The following IP6K1 variants were observed in gnomAD, a reference collection of about 807,000 sequenced individuals.
The protein encoded by IP6K1 is ATP:1D-myo-inositol-hexakisphosphate phosphotransferase.
In IP6K1, 13 loss-of-function variants were observed where a neutral mutation model predicts 38.3. The observed-to-expected ratio is 0.34, with a 90% CI of 0.22 to 0.54. IP6K1 has a LOEUF of 0.54. IP6K1 is among the 20% of genes least tolerant of loss of function. The pLI is 0.92. For synonymous variants in IP6K1, 212 were observed against 229.9 expected (o/e 0.92, Z 0.70); for missense variants, 397 against 599.8 (o/e 0.66, Z 3.53).
At chr3:49,759,577 C>G (rs900387945) in intron 1 of IP6K1, among the ~76,000 whole-genome samples, 3 of 152,100 alleles carry the variant, frequency 2.0e-5, no homozygotes, top group Non-Finnish European at 2.9e-5. Context: ...TACAGAAACT[C>G]CCTCTTTCAG....
intron 1 of IP6K1, among the ~76,000 whole-genome samples, chr3:49,750,762 T>C (rs2080767565): frequency 6.6e-6 from 1 of 152,148 alleles, no homozygotes; most frequent in Admixed American, 6.5e-5. Context: ...TGGCAACTTC[T>C]GCAGCTTCCA....
chr3:49,773,063 G>A (rs988140424), intron 1 of IP6K1, among the ~76,000 whole-genome samples: 9 of 151,968 alleles, frequency 5.9e-5, no homozygotes, highest in African/African-American at 9.7e-5. Flanking sequence ...AAGCTTAACT[G>A]ATCCTCCTGC....
chr3:49,772,298 TTTAAC>T (rs1025700621), intron 1 of IP6K1, among the ~76,000 whole-genome samples: 3 of 147,782 alleles, frequency 2.0e-5, no homozygotes, highest in East Asian at 1.9e-4. Flanking sequence ...AGTCTTCCTT[TTTAAC>T]TTAATATATT....
intron 1 of IP6K1, among the ~76,000 whole-genome samples, chr3:49,757,060 G>C (rs1360981011): frequency 6.6e-6 from 1 of 152,088 alleles, no homozygotes; most frequent in Non-Finnish European, 1.5e-5. Context: ...GGTTCTAAAA[G>C]GAACACAAAA....
intron 1 of IP6K1, among the ~76,000 whole-genome samples, chr3:49,752,591 C>T (rs967798195): frequency 6.7e-6 from 1 of 149,900 alleles, no homozygotes; most frequent in Admixed American, 6.6e-5. Flanking sequence ...GGTGCAATCT[C>T]GGCTCACCTC....
chr3:49,725,428 A>C lies in IP6K1; in HGVS notation c.*1694T>G, dbSNP rs1263569457. The C allele has an allele frequency of 1.3e-5, 2 of 152,314 alleles. No individual in the cohort carries two copies. The highest frequency in any genetic ancestry group is 4.8e-5 in the African/African-American group (2 of 41,468). 9.4% of individuals were successfully genotyped at this position (152,314 alleles called of 1,614,324 possible). A position where few individuals can be genotyped will look rare whatever the true frequency, so the allele number is the denominator to read the frequency against. ...AGGCAAGCTGTCCCTCCCAGCCCCA[A>C]AGAATGGGAACCTGCCCACCAGTGG... On this transcript the variant is annotated 3_prime_UTR_variant, in exon 6 of 6. Coordinates refer to ENST00000321599, the MANE Select transcript of IP6K1 (RefSeq NM_153273.4).
chr3:49,745,183 T>C (rs914310561), intron 2 of IP6K1, among the ~76,000 whole-genome samples: 1 of 152,172 alleles, frequency 6.6e-6, no homozygotes, highest in African/African-American at 2.4e-5. Flanking sequence ...ATAAGTGCTA[T>C]GAAGAAACTA....
chr3:49,763,989 T>G (rs2080887920), intron 1 of IP6K1, among the ~76,000 whole-genome samples: 2 of 152,126 alleles, frequency 1.3e-5, no homozygotes, highest in African/African-American at 2.4e-5. Context: ...GCCACTGCAC[T>G]CCAGTGTGGG....
rs185697913 is a variant in IP6K1, at chr3:49,772,333, G to A, written c.-129+14021C>T. 8.0e-3 allele frequency among the ~76,000 whole-genome samples: 1,156 copies of A among 145,314 alleles called. 7 individuals carry two copies. The highest frequency in any genetic ancestry group is 0.019 in the Admixed American group (278 of 14,410). On this transcript the variant is annotated intron_variant, in intron 1 of 5. Transcript: ENST00000321599. The stretch of plus-strand genomic sequence containing the variant: ...TATATTTTATATATATAATATATAG[G>A]AAGACTATATAATATATAAAATATA...
At chr3:49,784,665 G>A (rs957313698) in intron 1 of IP6K1, among the ~76,000 whole-genome samples, 2 of 145,836 alleles carry the variant, frequency 1.4e-5, no homozygotes, top group Non-Finnish European at 3.0e-5. Flanking sequence ...AAAAAAAGTA[G>A]GCTTGGCGCG....
At chr3:49,734,681 T>A (rs2080591472) in intron 3 of IP6K1, among the ~76,000 whole-genome samples, 2 of 152,194 alleles carry the variant, frequency 1.3e-5, no homozygotes, top group African/African-American at 4.8e-5. Flanking sequence ...CTTACTTTCT[T>A]CTGTGAGAGC....
chr3:49,747,225 A>C (rs762634362), intron 2 of IP6K1, among the ~76,000 whole-genome samples: 16 of 152,232 alleles, frequency 1.1e-4, no homozygotes, highest in Non-Finnish European at 1.6e-4. Flanking sequence ...GAGCAATCAT[A>C]AAAATTTATA....
chr3:49,756,481 C>T (rs116174424), intron 1 of IP6K1, among the ~76,000 whole-genome samples: 1,769 of 152,194 alleles, frequency 0.012, 38 homozygotes, highest in African/African-American at 0.04. Context: ...TCAGAACTGA[C>T]GTTCAAAGTG....
At chr3:49,730,827 C>T (rs2080555957) in intron 4 of IP6K1, among the ~76,000 whole-genome samples, 1 of 152,110 alleles carries the variant, frequency 6.6e-6, no homozygotes. Context: ...AATGATTCTC[C>T]TGTCTCAGCC....
At chr3:49,739,939 C>T (rs529217264) in intron 2 of IP6K1, among the ~76,000 whole-genome samples, 6 of 152,060 alleles carry the variant, frequency 3.9e-5, no homozygotes, top group South Asian at 2.1e-4. Flanking sequence ...CACTTGAAGC[C>T]GGGAGACGGA....
At chr3:49,760,330 C>G (rs183465016) in intron 1 of IP6K1, among the ~76,000 whole-genome samples, 10 of 152,236 alleles carry the variant, frequency 6.6e-5, no homozygotes, top group Admixed American at 4.6e-4. Context: ...CTTAGAAAAG[C>G]AGACAGGTGG....
chr3:49,783,843 T>C lies in IP6K1; in HGVS notation c.-129+2511A>G, dbSNP rs115926591. On this transcript the variant is annotated intron_variant, in intron 1 of 5. Coordinates refer to ENST00000321599, the MANE Select transcript of IP6K1 (RefSeq NM_153273.4). ...TTCAAAAAATGGCCCTGAAGGACAATGAAATAAATAACTAAAGACTACTCA... is the reference window on the plus strand; with the variant it reads ...TTCAAAAAATGGCCCTGAAGGACAACGAAATAAATAACTAAAGACTACTCA... Among the ~76,000 whole-genome samples, 740 of 151,990 alleles carry C rather than the reference T, an allele frequency of 4.9e-3. 8 individuals are homozygous for C. Among genetic ancestry groups the C allele is most frequent in the African/African-American group, 0.017 (697 of 41,470 alleles).
intron 1 of IP6K1, among the ~76,000 whole-genome samples, chr3:49,775,958 G>A (rs2081004968): frequency 6.6e-6 from 1 of 151,350 alleles, no homozygotes. Context: ...TGCTTGAGGA[G>A]TTGACTGTGA....
At chr3:49,767,576 C>T (rs1481438069) in intron 1 of IP6K1, among the ~76,000 whole-genome samples, 1 of 143,018 alleles carries the variant, frequency 7.0e-6, no homozygotes, top group African/African-American at 2.5e-5. Context: ...GAGACTCCAT[C>T]TCAAAAAATA....
Sources: allele counts gnomAD v4.1 joint callset (sites outside exome capture counted in the v4.1 genomes callset), GRCh38; gene constraint gnomAD v4.1.1; transcripts MANE v1.5; gene names NCBI Gene and HGNC (gene_info 2026-07-23, HGNC 2026-07-21).